The following GRID2 variants were observed in gnomAD, a reference collection of about 807,000 sequenced individuals.
GRID2 encodes glutamate receptor ionotropic, delta-2.
Under a neutral mutation model 114.8 loss-of-function variants are expected in GRID2, and 33 were observed. The ratio of observed to expected loss-of-function variants is 0.29; its 90% confidence interval spans 0.22 to 0.38. The LOEUF (loss-of-function observed/expected upper bound fraction) is 0.38. Ranked by LOEUF, GRID2 falls within the 10% of genes least tolerant of loss-of-function variation. The pLI, the probability that GRID2 is intolerant of heterozygous loss-of-function variation, is 1.00. For synonymous variants in GRID2, 505 were observed against 449.9 expected, an observed-to-expected ratio of 1.12 and a Z score of -1.55; for missense variants, 1,184 against 1,257.7, an observed-to-expected ratio of 0.94 and a Z score of 0.89.
At chr4:92,319,436 G>C (rs1239802019) in intron 1 of GRID2, among the ~76,000 whole-genome samples, 1 of 152,198 alleles carries the variant, frequency 6.6e-6, no homozygotes, top group Non-Finnish European at 1.5e-5. Flanking sequence ...GAAGCAATGA[G>C]AGGAAGAAAA....
intron 2 of GRID2, among the ~76,000 whole-genome samples, chr4:92,594,529 C>T (rs185824794): frequency 2.0e-5 from 3 of 151,968 alleles, no homozygotes; most frequent in South Asian, 4.1e-4. Context: ...GAAAGTTTCA[C>T]GTTGCTGAAA....
At chr4:93,122,196 G>A (rs1733840221) in intron 4 of GRID2, among the ~76,000 whole-genome samples, 1 of 151,998 alleles carries the variant, frequency 6.6e-6, no homozygotes, top group African/African-American at 2.4e-5. Flanking sequence ...CTACATACAA[G>A]GTTTTTCTAG....
At position 93,784,170 on chromosome 4, in the gene GRID2, A is replaced by G. The variant is rs952359399; in HGVS notation, c.221+14720A>G. 1.4e-4 allele frequency among the ~76,000 whole-genome samples: 22 copies of G among 151,900 alleles called. No individual in the cohort carries two copies. The Middle Eastern group carries it at 0.01, about 72-fold the overall frequency. On this transcript the variant is annotated intron_variant, in intron 1 of 1. Transcript: ENST00000637838. ...CTCTTTTTCCAGCCCTAATGCTACA[A>G]GACAAGTTTAAGCACATGCTAGCCT...
At chr4:93,199,135 G>A (rs746811264) in intron 4 of GRID2, among the ~76,000 whole-genome samples, 2 of 151,994 alleles carry the variant, frequency 1.3e-5, no homozygotes, top group Non-Finnish European at 2.9e-5. Context: ...AACAAACACC[G>A]CTTTTCCTAA....
At chr4:92,771,186 T>C (rs906286022) in intron 2 of GRID2, among the ~76,000 whole-genome samples, 7 of 152,238 alleles carry the variant, frequency 4.6e-5, no homozygotes, top group Admixed American at 4.6e-4. Context: ...AACTAGTTGT[T>C]TGGATCCCAT....
intron 2 of GRID2, among the ~76,000 whole-genome samples, chr4:92,717,049 T>C (rs544290171): frequency 6.6e-6 from 1 of 152,276 alleles, no homozygotes; most frequent in South Asian, 2.1e-4. Context: ...ATTGCAGCAT[T>C]GGTACCCAGC....
intron 14 of GRID2, among the ~76,000 whole-genome samples, chr4:93,638,227 A>G (rs1721594851): frequency 6.6e-6 from 1 of 151,844 alleles, no homozygotes; most frequent in Non-Finnish European, 1.5e-5. Flanking sequence ...GTTAGTAACT[A>G]ATGAAAATGA....
chr4:93,390,695 G>A (rs189979277), intron 8 of GRID2, among the ~76,000 whole-genome samples: 4 of 152,040 alleles, frequency 2.6e-5, no homozygotes, highest in Admixed American at 2.6e-4. Flanking sequence ...TATAAAAATA[G>A]GATATCATTA....
At chr4:92,920,125 C>A (rs1218521764) in intron 2 of GRID2, among the ~76,000 whole-genome samples, 1 of 152,050 alleles carries the variant, frequency 6.6e-6, no homozygotes, top group Non-Finnish European at 1.5e-5. Flanking sequence ...CTCTTTTGAT[C>A]TTTGTTGGTT....
chr4:92,794,466 T>G (rs1057348889), intron 2 of GRID2, among the ~76,000 whole-genome samples: 2 of 151,824 alleles, frequency 1.3e-5, no homozygotes, highest in Non-Finnish European at 2.9e-5. Context: ...AAGATTCTCT[T>G]CCATGTGTGA....
At chr4:92,719,959 A>G (rs544036268) in intron 2 of GRID2, among the ~76,000 whole-genome samples, 1 of 152,118 alleles carries the variant, frequency 6.6e-6, no homozygotes, top group African/African-American at 2.4e-5. Context: ...TTATTTAAGG[A>G]TTTTCCACCT....
At chr4:93,366,443 C>G (rs1029769064) in intron 8 of GRID2, among the ~76,000 whole-genome samples, 1 of 152,024 alleles carries the variant, frequency 6.6e-6, no homozygotes, top group African/African-American at 2.4e-5. Flanking sequence ...AAATTTTGGT[C>G]ACACTGGTTG....
rs186892331 is a variant in GRID2, at chr4:92,448,138, T to G, written c.89-141993T>G. Among the ~76,000 whole-genome samples the G allele has an allele frequency of 2.3e-3, 333 of 144,222 alleles. 5 individuals carry two copies. Among genetic ancestry groups the G allele is most frequent in the African/African-American group, 8.1e-3 (311 of 38,404 alleles). 94.6% of individuals were successfully genotyped at this position (144,222 alleles called of 152,430 possible). A position where few individuals can be genotyped will look rare whatever the true frequency, so the allele number is the denominator to read the frequency against. ...GTAGTATTGATTTTTATTTTATGTA[T>G]GTATGTATGTATGTATGTATGTATG... On this transcript the variant is annotated intron_variant, in intron 1 of 15. Coordinates refer to ENST00000282020, the MANE Select transcript of GRID2 (RefSeq NM_001510.4).
At chr4:93,094,678 G>A (rs1197003130) in intron 3 of GRID2, among the ~76,000 whole-genome samples, 2 of 151,984 alleles carry the variant, frequency 1.3e-5, no homozygotes, top group Admixed American at 1.3e-4. Context: ...CTAAACATCA[G>A]TCTTCCTCAC....
chr4:93,582,213 T>C (rs1042477476), intron 13 of GRID2, among the ~76,000 whole-genome samples: 2 of 152,212 alleles, frequency 1.3e-5, no homozygotes, highest in East Asian at 3.9e-4. Flanking sequence ...GTCACCTACA[T>C]TTCTGAACTC....
At chr4:92,320,708 C>T (rs1433193815) in intron 1 of GRID2, among the ~76,000 whole-genome samples, 1 of 152,230 alleles carries the variant, frequency 6.6e-6, no homozygotes, top group East Asian at 1.9e-4. Context: ...GAACTCCTGA[C>T]CTCAAGCGAT....
intron 13 of GRID2, among the ~76,000 whole-genome samples, chr4:93,521,612 A>C (rs1560710297): frequency 6.6e-6 from 1 of 152,120 alleles, no homozygotes; most frequent in East Asian, 1.9e-4. Context: ...GTAGAGTAGA[A>C]GAAGAGATTA....
At chr4:92,804,021 G>A (rs547768950) in intron 2 of GRID2, among the ~76,000 whole-genome samples, 1 of 151,756 alleles carries the variant, frequency 6.6e-6, no homozygotes, top group Non-Finnish European at 1.5e-5. Flanking sequence ...GCAGAGATTG[G>A]AGTGATGCTG....
intron 1 of GRID2, among the ~76,000 whole-genome samples, chr4:92,572,956 C>T (rs1459499671): frequency 6.6e-6 from 1 of 151,786 alleles, no homozygotes; most frequent in Non-Finnish European, 1.5e-5. Context: ...TGGCCCTGGG[C>T]TTTTTTTGGT....
Sources: gnomAD v4.1 joint callset for allele counts (sites outside exome capture counted in the v4.1 genomes callset) on GRCh38, gnomAD v4.1.1 for gene constraint, MANE v1.5 for transcripts, NCBI Gene and HGNC (gene_info 2026-07-23, HGNC 2026-07-21) for gene names.